Variants in IFI44L observed in about 807,000 individuals in gnomAD.
IFI44L encodes interferon-induced protein 44-like.
In IFI44L, 40 loss-of-function variants were observed where a neutral mutation model predicts 39.3. That is an observed-to-expected ratio of 1.02 (90% CI 0.79 to 1.33). The LOEUF (loss-of-function observed/expected upper bound fraction) is 1.33, where lower values mean the gene tolerates loss of function less well. Ranked by LOEUF, IFI44L falls within the 40% of genes most tolerant of loss-of-function variation. IFI44L has a pLI of 0.00. For synonymous variants in IFI44L, 198 were observed against 182.3 expected (o/e 1.09, Z -0.69); for missense variants, 623 against 549.0 (o/e 1.13, Z -1.35).
At chr1:78,633,450 T>C (rs1417171598) in intron 4 of IFI44L, among the ~76,000 whole-genome samples, 1 of 152,198 alleles carries the variant, frequency 6.6e-6, no homozygotes, top group African/African-American at 2.4e-5. Flanking sequence ...TGAACAGCAC[T>C]TAGTGACACG....
intron 2 of IFI44L, 46 bp downstream of exon 2, chr1:78,628,439 C>A (rs751359587): frequency 1.8e-6 from 2 of 1,114,964 alleles, no homozygotes; most frequent in Non-Finnish European, 2.6e-6. Context: ...TGATTCTAAT[C>A]CTTGTGTTCG....
At chr1:78,635,751 A>T (rs931659717) in intron 5 of IFI44L, 25 of 456,934 alleles carry the variant, frequency 5.5e-5, no homozygotes, top group Non-Finnish European at 8.5e-5. Flanking sequence ...GTGTGTTTTT[A>T]TCACTCTTTA....
At chr1:78,624,166 T>C (rs1358533954) in intron 1 of IFI44L, among the ~76,000 whole-genome samples, 1 of 152,102 alleles carries the variant, frequency 6.6e-6, no homozygotes, top group Non-Finnish European at 1.5e-5. Flanking sequence ...TTTTGTATTT[T>C]TGTATTTTTG....
chr1:78,628,108 A>C lies in IFI44L; in HGVS notation c.193A>C (p.Met65Leu). 1 of 1,612,698 alleles carries C rather than the reference A, an allele frequency of 6.2e-7. No homozygotes were observed. Among genetic ancestry groups the C allele is most frequent in the African/African-American group, 1.3e-5 (1 of 75,000 alleles). Residue 65 changes from methionine (M) to leucine (L), a missense_variant, in exon 2 of 9, where the codon ATG becomes CTG. By Grantham distance (15) the Met-to-Leu change is conservative. Transcript: ENST00000370751. ...YIDYNMIVAF[M>L]LGNYINLHES... is the part of the protein sequence containing the mutation. Reference sequence around the variant, plus strand: ...TGATTACAATATGATTGTAGCCTTTATGCTTGGAAATTATATTAATTTACA... The same window carrying C: ...TGATTACAATATGATTGTAGCCTTTCTGCTTGGAAATTATATTAATTTACA...
At chr1:78,640,529 T>A (rs930249034) in intron 6 of IFI44L, among the ~76,000 whole-genome samples, 3 of 152,140 alleles carry the variant, frequency 2.0e-5, no homozygotes, top group Non-Finnish European at 4.4e-5. Context: ...TCATAAGCAG[T>A]TGTTAGCATA....
rs1359225810 is a variant in IFI44L, at chr1:78,643,162, T to TTTTTTTTTTTTTTGAGACGGA, written c.*1353_*1354insTTTTTTTTTTTTTGAGACGGA. 9 of 151,948 alleles carry TTTTTTTTTTTTTTGAGACGGA rather than the reference T, an allele frequency of 5.9e-5. No homozygotes were observed. The highest frequency in any genetic ancestry group is 4.2e-4 in the South Asian group (2 of 4,804). The allele number at this position is 151,948 out of a possible 1,614,324, so 9.4% of individuals were successfully genotyped here. A position where few individuals can be genotyped will look rare whatever the true frequency, so the allele number is the denominator to read the frequency against. ...ATATTAAGAAAGCAAGAGTTTCTTATGTCCAGTTATGGAATATTTCCTAAA... is the reference window on the plus strand; with the variant it reads ...ATATTAAGAAAGCAAGAGTTTCTTATTTTTTTTTTTTTTGAGACGGAGTCCAGTTATGGAATATTTCCTAAA... On this transcript the variant is annotated 3_prime_UTR_variant, in exon 9 of 9. Transcript: ENST00000370751.
intron 1 of IFI44L, among the ~76,000 whole-genome samples, chr1:78,622,817 C>T (rs1652325386): frequency 6.6e-6 from 1 of 152,260 alleles, no homozygotes; most frequent in Non-Finnish European, 1.5e-5. Context: ...ATATCTACAA[C>T]CATAAGGAAC....
chr1:78,640,745 A>G (rs1646972727), intron 6 of IFI44L, among the ~76,000 whole-genome samples: 1 of 151,940 alleles, frequency 6.6e-6, no homozygotes, highest in African/African-American at 2.4e-5. Context: ...TTTCCCCTTG[A>G]CCAATTTAAA....
At chr1:78,630,096 A>G in intron 4 of IFI44L, 181 bp downstream of exon 4, 1 of 592,148 alleles carries the variant, frequency 1.7e-6, no homozygotes, top group Non-Finnish European at 3.0e-6. Flanking sequence ...GAAGCTTTCA[A>G]ATTTTATGGA....
At position 78,645,805 on chromosome 1, in the gene IFI44L, C is replaced by CA. The variant is rs1647039637; in HGVS notation, c.*4000dup. 6.6e-6 allele frequency: 1 copy of CA among 152,182 alleles called. No homozygotes were observed. Among genetic ancestry groups the CA allele is most frequent in the African/African-American group, 2.4e-5 (1 of 41,436 alleles). The allele number at this position is 152,182 out of a possible 1,614,324, so 9.4% of individuals were successfully genotyped here. The stretch of plus-strand genomic sequence containing the variant: ...CTTGCATACCAATTGTACACCCTTG[C>CA]AAAATCTTTCTCTGATGTTGGAGAA... On this transcript the variant is annotated 3_prime_UTR_variant, in exon 9 of 9. Coordinates refer to ENST00000370751, the MANE Select transcript of IFI44L (RefSeq NM_006820.4).
At position 78,642,554 on chromosome 1, in the gene IFI44L, G is replaced by C. The variant is rs1331228433; in HGVS notation, c.*745G>C. The C allele has an allele frequency of 2.0e-5, 3 of 151,910 alleles. No individual in the cohort carries two copies. Among genetic ancestry groups the C allele is most frequent in the South Asian group, 2.1e-4 (1 of 4,816 alleles). The allele number at this position is 151,910 out of a possible 1,614,324, so 9.4% of individuals were successfully genotyped here. A position where few individuals can be genotyped will look rare whatever the true frequency, so the allele number is the denominator to read the frequency against. On this transcript the variant is annotated 3_prime_UTR_variant, in exon 9 of 9. Coordinates refer to ENST00000370751, the MANE Select transcript of IFI44L (RefSeq NM_006820.4). ...ACTGTACTCTAGCCAGGGAGAAAGA[G>C]TGAGATCCTGGCTCAAAAAAACCAA...
rs2100482266 is a variant in IFI44L at position 78,628,004 on chromosome 1, C to A, written c.89C>A (p.Ser30Tyr). 2.5e-6 allele frequency: 4 copies of A among 1,613,004 alleles called. No individual in the cohort carries two copies. Among genetic ancestry groups the A allele is most frequent in the African/African-American group, 2.7e-5 (2 of 75,000 alleles). The change falls in exon 2 of 9, where the codon TCT becomes TAT. Residue 30 changes from serine (S) to tyrosine (Y), a missense_variant. Coordinates refer to ENST00000370751, the MANE Select transcript of IFI44L (RefSeq NM_006820.4). Reference protein sequence around the residue: ...GNVSLSLLYKSSVHGGSIEDM... With the variant: ...GNVSLSLLYKYSVHGGSIEDM... ...GTTTCTTTGAGTCTTCTCTATAAGT[C>A]TAGTGTTCATGGAGGTAGCATTGAA...
intron 6 of IFI44L, among the ~76,000 whole-genome samples, chr1:78,639,207 T>C (rs1257290618): frequency 1.3e-5 from 2 of 152,050 alleles, no homozygotes; most frequent in Non-Finnish European, 2.9e-5. Flanking sequence ...GATCCCCAAG[T>C]AGCCTCCCTT....
chr1:78,624,010 T>C (rs946061445), intron 1 of IFI44L, among the ~76,000 whole-genome samples: 1 of 152,152 alleles, frequency 6.6e-6, no homozygotes, highest in Non-Finnish European at 1.5e-5. Flanking sequence ...CTTTTTTTCC[T>C]TTCTTTTCTT....
chr1:78,627,710 CCTTT>C (rs1652544268), intron 1 of IFI44L, 192 bp from the exon 2 acceptor site: 1 of 353,390 alleles, frequency 2.8e-6, no homozygotes, highest in South Asian at 1.5e-4. Context: ...AATGACTTTT[CCTTT>C]CTAAATTATA....
In IFI44L at chr1:78,645,895, C is replaced by T. The variant is rs1045710504; in HGVS notation, c.*4086C>T. 6.6e-6 allele frequency: 1 copy of T among 152,058 alleles called. No homozygotes were observed. Among genetic ancestry groups the T allele is most frequent in the African/African-American group, 2.4e-5 (1 of 41,396 alleles). 9.4% of individuals were successfully genotyped at this position (152,058 alleles called of 1,614,324 possible). On this transcript the variant is annotated 3_prime_UTR_variant, in exon 9 of 9. Transcript: ENST00000370751. ...TGTTCAGCTGTACCCTCCCACAATC[C>T]CACTTCCTTCCTCAACACAATTCAA...
chr1:78,627,011 T>G (rs922036231), intron 1 of IFI44L: 1 of 152,004 alleles, frequency 6.6e-6, no homozygotes, highest in Non-Finnish European at 1.5e-5. Context: ...GTGCTCTCCT[T>G]ATTGCACTCC....
In IFI44L at chr1:78,643,162, T is replaced by TTTTTTTTTTTTTTTTTTTTTTGA. The variant is rs1359225810; in HGVS notation, c.*1353_*1354insTTTTTTTTTTTTTTTTTTTTTGA. On this transcript the variant is annotated 3_prime_UTR_variant, in exon 9 of 9. Transcript: ENST00000370751. Reference sequence around the variant, plus strand: ...ATATTAAGAAAGCAAGAGTTTCTTATGTCCAGTTATGGAATATTTCCTAAA... The same window carrying TTTTTTTTTTTTTTTTTTTTTTGA: ...ATATTAAGAAAGCAAGAGTTTCTTATTTTTTTTTTTTTTTTTTTTTTGAGTCCAGTTATGGAATATTTCCTAAA... The TTTTTTTTTTTTTTTTTTTTTTGA allele has an allele frequency of 5.9e-5, 9 of 151,928 alleles. No homozygotes were observed. In the East Asian group the frequency reaches 9.7e-4, roughly 16 times the overall value. 9.4% of individuals were successfully genotyped at this position (151,928 alleles called of 1,614,324 possible). A position where few individuals can be genotyped will look rare whatever the true frequency, so the allele number is the denominator to read the frequency against.
At chr1:78,635,752 T>C (rs1472810234) in intron 5 of IFI44L, 1 of 457,534 alleles carries the variant, frequency 2.2e-6, no homozygotes, top group Non-Finnish European at 3.9e-6. Context: ...TGTGTTTTTA[T>C]CACTCTTTAC....
Sources: allele counts gnomAD v4.1 joint callset (sites outside exome capture counted in the v4.1 genomes callset), GRCh38; gene constraint gnomAD v4.1.1; transcripts MANE v1.5; gene names NCBI Gene and HGNC (gene_info 2026-07-23, HGNC 2026-07-21).